The following ASTN2 variants were observed in gnomAD, a reference collection of about 807,000 sequenced individuals.
The protein encoded by ASTN2 is astrotactin 2, also known as astrotactin-2.
A neutral mutation model predicts 139.8 loss-of-function variants in ASTN2; 54 were observed. The observed-to-expected ratio is 0.39, with a 90% CI of 0.31 to 0.48. ASTN2 has a LOEUF of 0.48. ASTN2 is among the 20% of genes least tolerant of loss of function. The pLI is 0.95. For missense variants in ASTN2, 1,565 were observed against 1,725.1 expected, an observed-to-expected ratio of 0.91 and a Z score of 1.64; for synonymous variants, 756 against 719.5, an observed-to-expected ratio of 1.05 and a Z score of -0.81.
chr9:117,120,018 G>GTGTGTGTGTGTATATATATATATATA (rs1306397698), intron 4 of ASTN2, among the ~76,000 whole-genome samples: 3 of 45,994 alleles, frequency 6.5e-5, no homozygotes, highest in Admixed American at 3.0e-4. Context: ...GTGTGTGTGT[G>GTGTGTGTGTGTATATATATATATATA]TATATATATA....
At chr9:116,579,766 A>T (rs1219808793) in intron 19 of ASTN2, among the ~76,000 whole-genome samples, 2 of 152,202 alleles carry the variant, frequency 1.3e-5, no homozygotes, top group Admixed American at 6.5e-5. Flanking sequence ...CTGCTGTGCC[A>T]TAGGTGTGGG....
chr9:116,584,749 A>G (rs765401367), intron 19 of ASTN2: 2 of 152,240 alleles, frequency 1.3e-5, no homozygotes, highest in Non-Finnish European at 2.9e-5. Context: ...AGGAAGAAGT[A>G]TAATTGTCTC....
chr9:116,512,369 G>A (rs1250829356), intron 19 of ASTN2, among the ~76,000 whole-genome samples: 2 of 152,184 alleles, frequency 1.3e-5, no homozygotes, highest in Admixed American at 6.5e-5. Context: ...CTGAGAGACA[G>A]TTTGTTTTAA....
At chr9:117,302,314 C>G (rs1204686312) in intron 1 of ASTN2, among the ~76,000 whole-genome samples, 1 of 152,050 alleles carries the variant, frequency 6.6e-6, no homozygotes, top group East Asian at 1.9e-4. Flanking sequence ...TCTATCCCAC[C>G]CATTTTACTA....
At chr9:117,344,167 T>G (rs999710692) in intron 1 of ASTN2, among the ~76,000 whole-genome samples, 1 of 148,820 alleles carries the variant, frequency 6.7e-6, no homozygotes, top group South Asian at 2.2e-4. Flanking sequence ...TACACAGCCT[T>G]CCACAAAAGC....
chr9:116,889,752 CA>C (rs1461966084), intron 10 of ASTN2, among the ~76,000 whole-genome samples: 1 of 143,990 alleles, frequency 6.9e-6, no homozygotes, highest in East Asian at 1.9e-4. Context: ...CACACACACA[CA>C]CACACACACA....
At position 117,140,775 on chromosome 9, in the gene ASTN2, A is replaced by T. The variant is rs1029143310; in HGVS notation, c.1168+551T>A. Among the ~76,000 whole-genome samples the T allele has an allele frequency of 2.0e-5, 3 of 152,312 alleles. No individual in the cohort carries two copies. In the East Asian group the frequency reaches 5.8e-4, roughly 29 times the overall value. ...GCTGGGTTAGGCACTGTGCTGAGTT[A>T]TTCTTACAACCCTGTGAGACAGGAG... On this transcript the variant is annotated intron_variant, in intron 4 of 22. Coordinates refer to ENST00000313400, the MANE Select transcript of ASTN2 (RefSeq NM_001365068.1).
Position 116,708,274 on chromosome 9 carries a change from T to G in ASTN2, c.2806+17497A>C, listed in dbSNP as rs114716838. 2.3e-3 allele frequency among the ~76,000 whole-genome samples: 354 copies of G among 152,336 alleles called. 2 individuals are homozygous for G. The highest frequency in any genetic ancestry group is 8.2e-3 in the African/African-American group (341 of 41,572). On this transcript the variant is annotated intron_variant, in intron 16 of 22. Transcript: ENST00000313400. ...ATCTCACAGTAGATTATTGCCATGT[T>G]AATGCTGAAGTTCTATCCAATAAGG...
At chr9:117,046,766 A>G (rs1838755760) in intron 5 of ASTN2, among the ~76,000 whole-genome samples, 1 of 152,184 alleles carries the variant, frequency 6.6e-6, no homozygotes, top group African/African-American at 2.4e-5. Flanking sequence ...CTCATATTTT[A>G]TGCTCTCCTA....
At chr9:116,739,235 G>A (rs192184827) in intron 13 of ASTN2, among the ~76,000 whole-genome samples, 10 of 152,270 alleles carry the variant, frequency 6.6e-5, no homozygotes, top group African/African-American at 2.4e-4. Flanking sequence ...TAGGGATACA[G>A]CAGTGGAAAA....
At chr9:117,010,760 G>C (rs572457151) in intron 6 of ASTN2, among the ~76,000 whole-genome samples, 1 of 152,296 alleles carries the variant, frequency 6.6e-6, no homozygotes, top group African/African-American at 2.4e-5. Context: ...TGGGCAAAAG[G>C]AGAGGTCAAA....
intron 22 of ASTN2, among the ~76,000 whole-genome samples, chr9:116,428,851 AT>A (rs1192788045): frequency 6.6e-6 from 1 of 152,218 alleles, no homozygotes; most frequent in Non-Finnish European, 1.5e-5. Flanking sequence ...ATAAAGTGTT[AT>A]TTTTTAAATA....
At chr9:117,223,188 G>A (rs1452157502) in intron 2 of ASTN2, among the ~76,000 whole-genome samples, 1 of 152,146 alleles carries the variant, frequency 6.6e-6, no homozygotes, top group Non-Finnish European at 1.5e-5. Flanking sequence ...GGATACCATT[G>A]AGGTAGATTT....
chr9:116,840,499 CGGGGGGCT>C (rs1832188889), intron 11 of ASTN2, among the ~76,000 whole-genome samples: 3 of 97,464 alleles, frequency 3.1e-5, no homozygotes, highest in Admixed American at 1.1e-4. Context: ...GCTGGCCGGA[CGGGGGGCT>C]GACCCCCCCC....
intron 10 of ASTN2, among the ~76,000 whole-genome samples, chr9:116,928,162 G>A (rs1834807403): frequency 6.6e-6 from 1 of 152,102 alleles, no homozygotes; most frequent in South Asian, 2.1e-4. Context: ...GGCAGATGCC[G>A]TATGTGAAAA....
chr9:116,728,983 G>C lies in ASTN2; in HGVS notation c.2626+9C>G. On this transcript the variant is annotated intron_variant, in intron 15 of 22. Transcript: ENST00000313400. ...CAAGTCCCCTGGCTGCCCAGGCAGT[G>C]GTCCTCACCTGCTGCGAGGGTGATG... The C allele has an allele frequency of 2.5e-6, 4 of 1,574,264 alleles. No homozygotes were observed. The highest frequency in any genetic ancestry group is 3.5e-6 in the Non-Finnish European group (4 of 1,158,140).
chr9:117,201,381 C>T (rs1831712308), intron 3 of ASTN2, among the ~76,000 whole-genome samples: 1 of 151,894 alleles, frequency 6.6e-6, no homozygotes, highest in Non-Finnish European at 1.5e-5. Flanking sequence ...TTCAATTCTT[C>T]TCTGATTTTA....
At chr9:116,877,233 C>T (rs565518692) in intron 10 of ASTN2, among the ~76,000 whole-genome samples, 2 of 152,300 alleles carry the variant, frequency 1.3e-5, no homozygotes, top group Non-Finnish European at 2.9e-5. Context: ...TAGGTGTGCT[C>T]TTGCTATTGT....
intron 3 of ASTN2, among the ~76,000 whole-genome samples, chr9:117,171,692 C>T (rs1456212106): frequency 1.3e-5 from 2 of 152,034 alleles, no homozygotes; most frequent in South Asian, 4.2e-4. Context: ...CTTCTTCTCT[C>T]TCCTACTGCC....
Sources: allele counts gnomAD v4.1 joint callset (sites outside exome capture counted in the v4.1 genomes callset), GRCh38; gene constraint gnomAD v4.1.1; transcripts MANE v1.5; gene names NCBI Gene and HGNC (gene_info 2026-07-23, HGNC 2026-07-21).